Variants in OBI1 observed in about 807,000 individuals in gnomAD.
OBI1 encodes the protein ORC ubiquitin ligase 1.
In OBI1, 59 loss-of-function variants were observed where a neutral mutation model predicts 62.4. That is an observed-to-expected ratio of 0.95 (90% CI 0.77 to 1.17). The LOEUF is 1.17. Among genes scored for constraint, OBI1 ranks in the 50% most tolerant of loss-of-function variants. The pLI is 0.00. For synonymous variants in OBI1, 302 were observed against 292.8 expected, an observed-to-expected ratio of 1.03 and a Z score of -0.32; for missense variants, 875 against 830.9, an observed-to-expected ratio of 1.05 and a Z score of -0.65.
intron 5 of OBI1, among the ~76,000 whole-genome samples, chr13:78,634,588 C>T (rs774650378): frequency 9.9e-5 from 15 of 152,100 alleles, no homozygotes; most frequent in African/African-American, 1.4e-4. Context: ...TGAGCCACTG[C>T]GCCCCCTGGT....
intron 1 of OBI1, among the ~76,000 whole-genome samples, 183 bp downstream of exon 1, chr13:78,658,866 C>T (rs1258524792): frequency 1.3e-5 from 2 of 152,138 alleles, no homozygotes; most frequent in South Asian, 4.1e-4. Flanking sequence ...CAGATGAATC[C>T]ATTAATCACG....
intron 4 of OBI1, among the ~76,000 whole-genome samples, chr13:78,636,287 C>G (rs1301952641): frequency 1.3e-5 from 2 of 152,136 alleles, no homozygotes; most frequent in African/African-American, 2.4e-5. Context: ...ATTCCCTACT[C>G]ATTGCTTTTA....
intron 5 of OBI1, among the ~76,000 whole-genome samples, chr13:78,626,065 A>T (rs1056900163): frequency 4.6e-5 from 7 of 152,224 alleles, no homozygotes; most frequent in Non-Finnish European, 8.8e-5. Flanking sequence ...AGGTAAAGGA[A>T]GGAAAATCTG....
At chr13:78,638,566 TAGA>T (rs1876098222) in intron 4 of OBI1, among the ~76,000 whole-genome samples, 1 of 152,226 alleles carries the variant, frequency 6.6e-6, no homozygotes, top group African/African-American at 2.4e-5. Context: ...ATTATTCTTC[TAGA>T]AGAAGATGCA....
intron 2 of OBI1, among the ~76,000 whole-genome samples, chr13:78,643,725 T>C (rs1271991395): frequency 1.3e-5 from 2 of 151,914 alleles, no homozygotes; most frequent in East Asian, 1.9e-4. Context: ...GAGGCAGAGG[T>C]TGCGGTGAGC....
intron 1 of OBI1, among the ~76,000 whole-genome samples, chr13:78,658,189 ACC>A (rs1442451329): frequency 6.6e-6 from 1 of 152,144 alleles, no homozygotes; most frequent in Non-Finnish European, 1.5e-5. Flanking sequence ...ACCCTGACAC[ACC>A]ACAGACGTAA....
At chr13:78,658,533 T>TCATC (rs1174123402) in intron 1 of OBI1, among the ~76,000 whole-genome samples, 1 of 152,064 alleles carries the variant, frequency 6.6e-6, no homozygotes, top group Non-Finnish European at 1.5e-5. Flanking sequence ...AGAGCAAAGG[T>TCATC]CATCCTCAAG....
intron 5 of OBI1, among the ~76,000 whole-genome samples, chr13:78,627,866 A>G (rs1260513575): frequency 6.6e-6 from 1 of 152,252 alleles, no homozygotes; most frequent in Admixed American, 6.5e-5. Flanking sequence ...TGTTAAAAAA[A>G]GACTTCAAGG....
intron 1 of OBI1, among the ~76,000 whole-genome samples, chr13:78,645,486 A>T (rs1876353141): frequency 6.6e-6 from 1 of 152,198 alleles, no homozygotes; most frequent in Non-Finnish European, 1.5e-5. Flanking sequence ...CCCCAAAACC[A>T]AACAGTAATG....
chr13:78,633,309 T>G, intron 5 of OBI1, among the ~76,000 whole-genome samples: 1 of 152,180 alleles, frequency 6.6e-6, no homozygotes, highest in African/African-American at 2.4e-5. Flanking sequence ...AGAAACTATT[T>G]AAACGTAAAA....
chr13:78,653,045 T>C (rs1876589544), intron 1 of OBI1, among the ~76,000 whole-genome samples: 1 of 152,198 alleles, frequency 6.6e-6, no homozygotes, highest in Non-Finnish European at 1.5e-5. Context: ...GAGTCCACTC[T>C]ACCACCAAAT....
intron 5 of OBI1, among the ~76,000 whole-genome samples, chr13:78,622,574 G>C (rs1875546493): frequency 6.7e-6 from 1 of 149,100 alleles, no homozygotes; most frequent in Non-Finnish European, 1.5e-5. Context: ...AGAAATATTA[G>C]GAAAGTATCT....
chr13:78,617,269 T>C lies in OBI1; in HGVS notation c.639-147A>G, dbSNP rs892827967. On this transcript the variant is annotated intron_variant, in intron 5 of 5. Transcript: ENST00000282003. The stretch of plus-strand genomic sequence containing the variant: ...ATGAGTAGGGCAAATGCCAGATGTA[T>C]ATTTTCAAAAAATGGTTTCCCCACT... The C allele has an allele frequency of 2.8e-5, 15 of 531,038 alleles. No individual in the cohort carries two copies. In the East Asian group the frequency reaches 4.7e-4, roughly 16 times the overall value. 32.9% of individuals were successfully genotyped at this position (531,038 alleles called of 1,614,324 possible).
chr13:78,642,946 C>T (rs1038026219), intron 2 of OBI1, among the ~76,000 whole-genome samples: 2 of 151,936 alleles, frequency 1.3e-5, no homozygotes, highest in South Asian at 2.1e-4. Flanking sequence ...TGTCTTTTCA[C>T]GGATTCTAAC....
intron 5 of OBI1, among the ~76,000 whole-genome samples, chr13:78,626,426 C>T (rs551414761): frequency 3.9e-5 from 6 of 152,130 alleles, no homozygotes; most frequent in South Asian, 2.1e-4. Context: ...TAACTGGGTA[C>T]GACAGTCATG....
At chr13:78,630,272 T>C (rs1566279022) in intron 5 of OBI1, among the ~76,000 whole-genome samples, 1 of 152,288 alleles carries the variant, frequency 6.6e-6, no homozygotes, top group East Asian at 1.9e-4. Context: ...GGGGTTTTTT[T>C]CCTTAATATA....
chr13:78,623,697 T>C (rs1478514366), intron 5 of OBI1, among the ~76,000 whole-genome samples: 1 of 152,200 alleles, frequency 6.6e-6, no homozygotes, highest in Non-Finnish European at 1.5e-5. Flanking sequence ...CTAGGCAAAA[T>C]GTGTATACAG....
intron 2 of OBI1, among the ~76,000 whole-genome samples, chr13:78,642,917 C>A (rs1056586469): frequency 6.6e-6 from 1 of 152,070 alleles, no homozygotes; most frequent in Non-Finnish European, 1.5e-5. Flanking sequence ...TGCTATATAC[C>A]TATGTATATA....
chr13:78,629,272 G>C, intron 5 of OBI1, among the ~76,000 whole-genome samples: 1 of 151,966 alleles, frequency 6.6e-6, no homozygotes, highest in Non-Finnish European at 1.5e-5. Context: ...TCTCACTAAA[G>C]ACACAATGAC....
Sources: gnomAD v4.1 joint callset for allele counts (sites outside exome capture counted in the v4.1 genomes callset) on GRCh38, gnomAD v4.1.1 for gene constraint, MANE v1.5 for transcripts, NCBI Gene and HGNC (gene_info 2026-07-23, HGNC 2026-07-21) for gene names.